Variants in SLC6A6 observed in about 807,000 individuals in gnomAD.
SLC6A6 encodes the protein solute carrier family 6 member 6.
SLC6A6 carries 16 observed loss-of-function variants against 68.8 expected under a neutral mutation model. That is an observed-to-expected ratio of 0.23 (90% CI 0.16 to 0.35). SLC6A6 has a LOEUF of 0.35. Among genes scored for constraint, SLC6A6 ranks in the 10% least tolerant of loss-of-function variants. SLC6A6 has a pLI of 1.00. For synonymous variants in SLC6A6, 312 were observed against 315.4 expected (o/e 0.99, Z 0.12); for missense variants, 474 against 802.8 (o/e 0.59, Z 4.95).
At chr3:14,461,016 A>G (rs557357862) in intron 6 of SLC6A6, among the ~76,000 whole-genome samples, 1 of 152,318 alleles carries the variant, frequency 6.6e-6, no homozygotes, top group East Asian at 1.9e-4. Context: ...GTTGGAGGGT[A>G]ATGGAGGGAG....
chr3:14,455,029 T>C (rs1700338135), intron 5 of SLC6A6, among the ~76,000 whole-genome samples: 1 of 152,228 alleles, frequency 6.6e-6, no homozygotes, highest in Admixed American at 6.5e-5. Flanking sequence ...CTCCTCTTGA[T>C]GGACATTTGA....
chr3:14,463,334 C>G (rs115473709), intron 6 of SLC6A6, among the ~76,000 whole-genome samples: 2,555 of 152,348 alleles, frequency 0.017, 80 homozygotes, highest in African/African-American at 0.058. Context: ...TTAAAACTCA[C>G]GAAGCCCTTA....
chr3:14,442,655 G>A (rs577108110), intron 2 of SLC6A6, among the ~76,000 whole-genome samples: 1 of 152,366 alleles, frequency 6.6e-6, no homozygotes, highest in Non-Finnish European at 1.5e-5. Context: ...AGTACAGAAA[G>A]AAGAGGCTCT....
At chr3:14,408,070 G>T (rs1357764454) in intron 1 of SLC6A6, among the ~76,000 whole-genome samples, 1 of 151,988 alleles carries the variant, frequency 6.6e-6, no homozygotes, top group East Asian at 1.9e-4. Flanking sequence ...TACTAATAAA[G>T]CTTCTATGTG....
At chr3:14,410,805 A>G (rs1383255981) in intron 1 of SLC6A6, among the ~76,000 whole-genome samples, 1 of 152,198 alleles carries the variant, frequency 6.6e-6, no homozygotes, top group Non-Finnish European at 1.5e-5. Context: ...TCCAGTGGAA[A>G]GTCCTTAACC....
chr3:14,459,184 CA>C (rs1180221338), intron 6 of SLC6A6, among the ~76,000 whole-genome samples: 3 of 152,128 alleles, frequency 2.0e-5, no homozygotes, highest in Admixed American at 2.0e-4. Context: ...ACTCACATCC[CA>C]AAAGAGGGAA....
At position 14,416,776 on chromosome 3, in the gene SLC6A6, C is replaced by T. The variant is rs141516664; in HGVS notation, c.-12+323C>T. ...GCAGAGTAGCCTGGGGCAAGTCTGCCGTGGGGAGGATGCCCTCACTGAGTT... is the reference window on the plus strand; with the variant it reads ...GCAGAGTAGCCTGGGGCAAGTCTGCTGTGGGGAGGATGCCCTCACTGAGTT... On this transcript the variant is annotated intron_variant, in intron 2 of 14. Transcript: ENST00000622186. Among the ~76,000 whole-genome samples the T allele has an allele frequency of 2.8e-3, 422 of 152,338 alleles. 2 individuals are homozygous for T. Among genetic ancestry groups the T allele is most frequent in the African/African-American group, 9.5e-3 (394 of 41,564 alleles).
intron 9 of SLC6A6, among the ~76,000 whole-genome samples, chr3:14,471,566 G>A (rs1700752939): frequency 6.6e-6 from 1 of 152,206 alleles, no homozygotes; most frequent in African/African-American, 2.4e-5. Context: ...CTCAGGGCTT[G>A]CAGGCCTGGG....
intron 2 of SLC6A6, among the ~76,000 whole-genome samples, chr3:14,423,456 A>C (rs1699526789): frequency 6.6e-6 from 1 of 152,208 alleles, no homozygotes; most frequent in Non-Finnish European, 1.5e-5. Flanking sequence ...GGTGGGTAGA[A>C]GGAAGCTGTT....
intron 2 of SLC6A6, among the ~76,000 whole-genome samples, chr3:14,433,453 C>T (rs1206153546): frequency 1.3e-5 from 2 of 152,108 alleles, no homozygotes; most frequent in Non-Finnish European, 2.9e-5. Context: ...GTTCTCAGCT[C>T]ATGGTGAGGA....
chr3:14,448,419 C>T (rs9826853), intron 5 of SLC6A6, among the ~76,000 whole-genome samples: 35,276 of 152,040 alleles, frequency 0.23, 4,421 homozygotes, highest in East Asian at 0.39. Flanking sequence ...GTAGGTCCTC[C>T]GGGTAGCTCT....
intron 5 of SLC6A6, among the ~76,000 whole-genome samples, chr3:14,453,393 G>A (rs993376307): frequency 1.5e-4 from 23 of 152,202 alleles, no homozygotes; most frequent in African/African-American, 5.3e-4. Context: ...CCTTGCCAAG[G>A]CCAGCACCAT....
intron 2 of SLC6A6, among the ~76,000 whole-genome samples, chr3:14,424,775 A>C (rs1467980535): frequency 6.6e-6 from 1 of 152,206 alleles, no homozygotes; most frequent in Admixed American, 6.5e-5. Flanking sequence ...CACGGCCACA[A>C]GTCTCCAGAG....
intron 6 of SLC6A6, among the ~76,000 whole-genome samples, chr3:14,460,131 A>G (rs1700462948): frequency 6.6e-6 from 1 of 152,124 alleles, no homozygotes; most frequent in African/African-American, 2.4e-5. Context: ...GAGCAGTGCT[A>G]GAGACATCAT....
chr3:14,464,187 C>G (rs1176092011), intron 6 of SLC6A6, among the ~76,000 whole-genome samples: 1 of 152,194 alleles, frequency 6.6e-6, no homozygotes, highest in Non-Finnish European at 1.5e-5. Flanking sequence ...GCAAGCCAGC[C>G]TCTAAGCTTG....
At chr3:14,440,840 G>C (rs1699966303) in intron 2 of SLC6A6, among the ~76,000 whole-genome samples, 1 of 152,102 alleles carries the variant, frequency 6.6e-6, no homozygotes, top group African/African-American at 2.4e-5. Flanking sequence ...GCCCCCACAG[G>C]TGGAGAGGTG....
intron 1 of SLC6A6, among the ~76,000 whole-genome samples, chr3:14,413,015 G>T (rs568688809): frequency 6.6e-6 from 1 of 152,352 alleles, no homozygotes; most frequent in East Asian, 1.9e-4. Context: ...AGCCACAGGA[G>T]GCTTTTCAAG....
At chr3:14,458,792 G>C (rs1206405668) in intron 6 of SLC6A6, among the ~76,000 whole-genome samples, 1 of 152,262 alleles carries the variant, frequency 6.6e-6, no homozygotes, top group Non-Finnish European at 1.5e-5. Context: ...CTCATGGCCA[G>C]GGTGTTAGCT....
intron 10 of SLC6A6, among the ~76,000 whole-genome samples, chr3:14,474,549 G>A (rs542364332): frequency 9.2e-5 from 14 of 152,198 alleles, no homozygotes; most frequent in East Asian, 3.9e-4. Flanking sequence ...CCCTCCTGCC[G>A]GCCCCGCACC....
Sources: allele counts gnomAD v4.1 joint callset (sites outside exome capture counted in the v4.1 genomes callset), GRCh38; gene constraint gnomAD v4.1.1; transcripts MANE v1.5; gene names NCBI Gene and HGNC (gene_info 2026-07-23, HGNC 2026-07-21).